Variants in CCDC3 observed in about 807,000 individuals in gnomAD.
The protein encoded by CCDC3 is coiled-coil domain-containing protein 3.
In CCDC3, 24 loss-of-function variants were observed where a neutral mutation model predicts 21.4. That is an observed-to-expected ratio of 1.12 (90% CI 0.81 to 1.58). CCDC3 has a LOEUF of 1.58. CCDC3 is among the 40% of genes most tolerant of loss of function. The probability of loss-of-function intolerance (pLI) is 0.00; values close to 1 mark genes in which losing one functional copy is unlikely to be tolerated. For missense variants in CCDC3, 425 were observed against 360.9 expected (o/e 1.18, Z -1.44); for synonymous variants, 186 against 166.0 (o/e 1.12, Z -0.93).
At chr10:12,925,541 G>A (rs1384255421) in intron 2 of CCDC3, among the ~76,000 whole-genome samples, 1 of 152,194 alleles carries the variant, frequency 6.6e-6, no homozygotes, top group African/African-American at 2.4e-5. Flanking sequence ...ACCCTGCCTA[G>A]CATCCAAGCC....
intron 2 of CCDC3, among the ~76,000 whole-genome samples, chr10:12,938,505 T>C (rs908836832): frequency 2.0e-5 from 3 of 152,220 alleles, no homozygotes; most frequent in Non-Finnish European, 2.9e-5. Context: ...GTGAAAAACT[T>C]TGGCTTTGAT....
intron 2 of CCDC3, among the ~76,000 whole-genome samples, chr10:12,952,806 C>T (rs1835026464): frequency 6.6e-6 from 1 of 152,164 alleles, no homozygotes; most frequent in South Asian, 2.1e-4. Context: ...TGCCCTTAAC[C>T]TCAACCTCTG....
intron 2 of CCDC3, among the ~76,000 whole-genome samples, chr10:12,983,128 G>GTATATATATATATA (rs775314375): frequency 2.6e-4 from 31 of 117,810 alleles, no homozygotes; most frequent in South Asian, 5.7e-4. Flanking sequence ...AAATAAAATA[G>GTATATATATATATA]TGTATATATA....
intron 5 of CCDC3, among the ~76,000 whole-genome samples, chr10:13,039,401 C>T (rs1468715840): frequency 2.7e-5 from 4 of 148,456 alleles, no homozygotes; most frequent in African/African-American, 5.0e-5. Flanking sequence ...CCAGCCTGGG[C>T]GACAGAACAA....
chr10:13,001,904 T>C (rs553539545), upstream of CCDC3, among the ~76,000 whole-genome samples: 7 of 151,716 alleles, frequency 4.6e-5, no homozygotes, highest in South Asian at 2.1e-4. Context: ...CAGCCCTGAA[T>C]TGGGGACAGT....
At chr10:12,997,018 G>C (rs910465057) in intron 2 of CCDC3, among the ~76,000 whole-genome samples, 2 of 152,036 alleles carry the variant, frequency 1.3e-5, no homozygotes, top group South Asian at 2.1e-4. Context: ...CCAAACCCCA[G>C]TGGCACGCAA....
upstream of CCDC3, among the ~76,000 whole-genome samples, chr10:13,002,545 C>A (rs1460853689): frequency 6.6e-6 from 1 of 151,912 alleles, no homozygotes; most frequent in Admixed American, 6.6e-5. Context: ...ACACTGCCAC[C>A]CCGGATAATT....
At chr10:12,986,678 G>A (rs956405958) in intron 2 of CCDC3, among the ~76,000 whole-genome samples, 4 of 151,898 alleles carry the variant, frequency 2.6e-5, no homozygotes, top group Non-Finnish European at 5.9e-5. Flanking sequence ...GGAGGCTGAG[G>A]CAGGAGAATG....
At chr10:12,947,689 T>C (rs1564294620) in intron 2 of CCDC3, among the ~76,000 whole-genome samples, 2 of 152,346 alleles carry the variant, frequency 1.3e-5, no homozygotes, top group East Asian at 3.9e-4. Flanking sequence ...ACTCAGTACC[T>C]GACTGAGTAG....
intron 3 of CCDC3, among the ~76,000 whole-genome samples, chr10:13,086,737 C>T (rs190088568): frequency 1.4e-4 from 21 of 152,282 alleles, no homozygotes; most frequent in Middle Eastern, 3.4e-3. Context: ...TGAGCCCCCG[C>T]GCCCGGCCTC....
chr10:12,918,889 T>G (rs1834401306), intron 2 of CCDC3, among the ~76,000 whole-genome samples: 1 of 151,868 alleles, frequency 6.6e-6, no homozygotes, highest in South Asian at 2.1e-4. Flanking sequence ...CCATCTCTAC[T>G]AAAAAAATAC....
At chr10:13,094,108 AG>A (rs1832605874) in intron 3 of CCDC3, among the ~76,000 whole-genome samples, 1 of 152,244 alleles carries the variant, frequency 6.6e-6, no homozygotes, top group Non-Finnish European at 1.5e-5. Flanking sequence ...AAAAGGCGGC[AG>A]GGATTAGACA....
intron 5 of CCDC3, among the ~76,000 whole-genome samples, chr10:13,043,830 A>T (rs974584112): frequency 6.6e-6 from 1 of 152,088 alleles, no homozygotes; most frequent in African/African-American, 2.4e-5. Context: ...ATTGCAGGTA[A>T]CTTTTTGGTG....
At chr10:12,959,348 A>T (rs1459228792) in intron 2 of CCDC3, among the ~76,000 whole-genome samples, 1 of 152,000 alleles carries the variant, frequency 6.6e-6, no homozygotes, top group African/African-American at 2.4e-5. Context: ...TTGTGTTTTT[A>T]GTAGAGATGG....
intron 2 of CCDC3, among the ~76,000 whole-genome samples, chr10:12,931,976 A>G (rs931047396): frequency 2.0e-5 from 3 of 152,304 alleles, no homozygotes; most frequent in Non-Finnish European, 4.4e-5. Flanking sequence ...GAAAATGTAG[A>G]TTTCTCTTGT....
chr10:13,009,033 T>C (rs1835955872), intron 5 of CCDC3, among the ~76,000 whole-genome samples: 1 of 152,144 alleles, frequency 6.6e-6, no homozygotes. Context: ...AAAATGCAAA[T>C]GAATCTACAA....
intron 5 of CCDC3, among the ~76,000 whole-genome samples, chr10:13,012,102 A>G (rs756518228): frequency 6.6e-6 from 1 of 152,262 alleles, no homozygotes; most frequent in Non-Finnish European, 1.5e-5. Context: ...ACCCTGGAAG[A>G]TAACCTAGGA....
chr10:13,019,721 C>A (rs1475880819), intron 5 of CCDC3, among the ~76,000 whole-genome samples: 2 of 152,156 alleles, frequency 1.3e-5, no homozygotes, highest in Non-Finnish European at 2.9e-5. Context: ...CTGGGCTAGG[C>A]AGGGTGGTGC....
At chr10:13,075,608 G>A (rs1836954357) in intron 3 of CCDC3, among the ~76,000 whole-genome samples, 1 of 152,138 alleles carries the variant, frequency 6.6e-6, no homozygotes, top group Non-Finnish European at 1.5e-5. Context: ...TTGTGGGGAG[G>A]GGAGACAAGA....
Sources: allele counts gnomAD v4.1 joint callset (sites outside exome capture counted in the v4.1 genomes callset), GRCh38; gene constraint gnomAD v4.1.1; transcripts MANE v1.5; gene names NCBI Gene and HGNC (gene_info 2026-07-23, HGNC 2026-07-21).